The following VGLL3 variants were observed in gnomAD, a reference collection of about 807,000 sequenced individuals.
VGLL3 encodes transcription cofactor vestigial-like protein 3.
VGLL3 carries 18 observed loss-of-function variants against 29.2 expected under a neutral mutation model. The observed-to-expected ratio is 0.62, with a 90% CI of 0.43 to 0.91. The LOEUF (loss-of-function observed/expected upper bound fraction) is 0.91, where lower values mean the gene tolerates loss of function less well. VGLL3 is among the 40% of genes least tolerant of loss of function. The pLI is 0.00. For synonymous variants in VGLL3, 180 were observed against 151.8 expected, an observed-to-expected ratio of 1.19 and a Z score of -1.36; for missense variants, 440 against 413.2, an observed-to-expected ratio of 1.06 and a Z score of -0.56.
chr3:86,971,713 T>C (rs890959941), intron 2 of VGLL3, among the ~76,000 whole-genome samples: 8 of 152,120 alleles, frequency 5.3e-5, no homozygotes, highest in African/African-American at 1.9e-4. Context: ...AAGAAGAAAA[T>C]TCAATTTGCC....
intron 2 of VGLL3, among the ~76,000 whole-genome samples, chr3:86,975,739 G>C (rs2107040260): frequency 6.6e-6 from 1 of 152,294 alleles, no homozygotes; most frequent in South Asian, 2.1e-4. Flanking sequence ...TGTAGACTTA[G>C]TGGGATAATA....
At chr3:86,988,575 C>T (rs1705500202) in intron 1 of VGLL3, among the ~76,000 whole-genome samples, 1 of 132,606 alleles carries the variant, frequency 7.5e-6, no homozygotes, top group African/African-American at 2.8e-5. Context: ...ACAGTAGTTA[C>T]ACTGTCAAGT....
At chr3:86,955,129 T>A (rs911417026) in intron 3 of VGLL3, among the ~76,000 whole-genome samples, 15 of 152,024 alleles carry the variant, frequency 9.9e-5, no homozygotes, top group African/African-American at 3.1e-4. Flanking sequence ...AAAAAGTAAT[T>A]AAGGACATAA....
chr3:86,953,797 A>G (rs143713117), intron 3 of VGLL3, among the ~76,000 whole-genome samples: 3 of 152,264 alleles, frequency 2.0e-5, no homozygotes, highest in Admixed American at 6.5e-5. Context: ...AGCATTTAGT[A>G]TACTTTTAGG....
chr3:86,949,720 G>T (rs1016400767), intron 3 of VGLL3, among the ~76,000 whole-genome samples: 9 of 151,530 alleles, frequency 5.9e-5, no homozygotes, highest in African/African-American at 1.9e-4. Flanking sequence ...CCAGCTACTC[G>T]GGAGGCTGAG....
rs1705024450 is a variant in VGLL3, at chr3:86,968,932, G to A, written c.595C>T (p.Pro199Ser). The A allele has an allele frequency of 6.2e-7, 1 of 1,614,128 alleles. No homozygotes were observed. The highest frequency in any genetic ancestry group is 8.5e-7 in the Non-Finnish European group (1 of 1,180,038). The change falls in exon 3 of 4, where the codon CCT (proline) becomes TCT (serine). Residue 199 changes from proline (P) to serine (S), a missense_variant. Coordinates refer to ENST00000398399, the MANE Select transcript of VGLL3 (RefSeq NM_016206.4). Reference sequence around the variant, plus strand: ...CAGGACTCAGACACAGCAGGGGGAGGGGCTGGGCCAGTCTGATGCAGGTTG... The same window carrying A: ...CAGGACTCAGACACAGCAGGGGGAGAGGCTGGGCCAGTCTGATGCAGGTTG... ...GHNLHQTGPAPPPAVSESWPY... is the reference protein window; with the variant it reads ...GHNLHQTGPASPPAVSESWPY...
chr3:86,971,683 A>C (rs1014536965), intron 2 of VGLL3, among the ~76,000 whole-genome samples: 1 of 152,222 alleles, frequency 6.6e-6, no homozygotes, highest in South Asian at 2.1e-4. Context: ...AATGACAAGA[A>C]GGAAAGTCGT....
chr3:86,978,570 G>A lies in VGLL3; in HGVS notation c.359C>T (p.Ser120Phe), dbSNP rs760171110. 6.2e-7 allele frequency: 1 copy of A among 1,614,160 alleles called. No homozygotes were observed. The highest frequency in any genetic ancestry group is 1.1e-5 in the South Asian group (1 of 91,080). The part of the protein sequence containing the change: ...LGQAITLHPE[S>F]AISKSKMGLT... The stretch of plus-strand genomic sequence containing the variant: ...CCCCATCTTGCTTTTTGAAATGGCA[G>A]ATTCTGGATGGAGGGTGATGGCTTG... The change falls in exon 2 of 4, where the codon TCT becomes TTT. Residue 120 changes from serine (S) to phenylalanine (F), a missense_variant. By Grantham distance (155) the Ser-to-Phe change is radical. Transcript: ENST00000398399.
chr3:86,948,895 T>G (rs1270422364), intron 3 of VGLL3, among the ~76,000 whole-genome samples: 9 of 152,212 alleles, frequency 5.9e-5, no homozygotes, highest in African/African-American at 2.2e-4. Flanking sequence ...GTTTTCTGGT[T>G]AGAATAATTT....
At position 86,939,874 on chromosome 3, in the gene VGLL3, T is replaced by A. The variant is rs1289329149; in HGVS notation, c.*7150A>T. 6.6e-6 allele frequency: 1 copy of A among 152,150 alleles called. No homozygotes were observed. The highest frequency in any genetic ancestry group is 1.5e-5 in the Non-Finnish European group (1 of 68,030). The allele number at this position is 152,150 out of a possible 1,614,324, so 9.4% of individuals were successfully genotyped here. ...ACAGCAAGATTCTCTCTTGGAAGCA[T>A]CCAGGAAATGCCTCCTACATTCTGT... is the stretch of plus-strand genomic sequence containing the variant. On this transcript the variant is annotated 3_prime_UTR_variant, in exon 4 of 4. Coordinates refer to ENST00000398399, the MANE Select transcript of VGLL3 (RefSeq NM_016206.4).
chr3:86,973,071 A>AC (rs1337691829), intron 2 of VGLL3, among the ~76,000 whole-genome samples: 2 of 148,334 alleles, frequency 1.3e-5, no homozygotes, highest in Admixed American at 6.6e-5. Context: ...CTCTTAAAAA[A>AC]AACACACACA....
At chr3:86,976,877 A>G (rs1421285649) in intron 2 of VGLL3, among the ~76,000 whole-genome samples, 1 of 152,218 alleles carries the variant, frequency 6.6e-6, no homozygotes, top group Non-Finnish European at 1.5e-5. Flanking sequence ...TTATCTTAAT[A>G]GGATTCATTA....
intron 2 of VGLL3, among the ~76,000 whole-genome samples, chr3:86,973,048 T>C (rs533244394): frequency 6.7e-6 from 1 of 150,036 alleles, no homozygotes; most frequent in South Asian, 2.1e-4. Flanking sequence ...CTTTTTACAC[T>C]GATTGTAAAT....
At chr3:86,949,998 T>A (rs1159577411) in intron 3 of VGLL3, among the ~76,000 whole-genome samples, 3 of 152,164 alleles carry the variant, frequency 2.0e-5, no homozygotes, top group African/African-American at 7.2e-5. Flanking sequence ...GAATCTTATG[T>A]GGTCTACATT....
chr3:86,981,343 G>C (rs1705320975), intron 1 of VGLL3, among the ~76,000 whole-genome samples: 1 of 151,770 alleles, frequency 6.6e-6, no homozygotes, highest in South Asian at 2.1e-4. Flanking sequence ...TCAATGGTTG[G>C]ATAGAAATAA....
chr3:86,965,834 G>T (rs1704946282), intron 3 of VGLL3, among the ~76,000 whole-genome samples: 1 of 152,072 alleles, frequency 6.6e-6, no homozygotes, highest in Admixed American at 6.6e-5. Context: ...TAGAATCCAG[G>T]CCTCTATTGA....
intron 3 of VGLL3, chr3:86,961,793 A>C (rs1375951942): frequency 2.3e-6 from 1 of 438,566 alleles, no homozygotes; most frequent in Non-Finnish European, 3.0e-6. Context: ...ACAAAAGTTG[A>C]AAACTATGGC....
intron 3 of VGLL3, chr3:86,962,282 C>T (rs918403412): frequency 2.2e-5 from 22 of 985,300 alleles, no homozygotes; most frequent in East Asian, 1.1e-4. Flanking sequence ...AGAGTGAGCT[C>T]GCATGACAGC....
At chr3:86,963,483 T>A (rs1354215922) in intron 3 of VGLL3, among the ~76,000 whole-genome samples, 2 of 152,192 alleles carry the variant, frequency 1.3e-5, no homozygotes, top group African/African-American at 2.4e-5. Context: ...CTTGTTACAG[T>A]GATGGAATGT....
Sources: allele counts gnomAD v4.1 joint callset (sites outside exome capture counted in the v4.1 genomes callset), GRCh38; gene constraint gnomAD v4.1.1; transcripts MANE v1.5; gene names NCBI Gene and HGNC (gene_info 2026-07-23, HGNC 2026-07-21).